Variants in WAPL observed in about 807,000 individuals in gnomAD.
WAPL encodes the protein WAPL cohesin release factor.
In WAPL, 5 loss-of-function variants were observed where a neutral mutation model predicts 121.0. The ratio of observed to expected loss-of-function variants is 0.04; its 90% CI spans 0.02 to 0.09. The LOEUF is 0.09. WAPL is among the 10% of genes least tolerant of loss of function. The probability of loss-of-function intolerance (pLI) is 1.00; values close to 1 mark genes in which losing one functional copy is unlikely to be tolerated. For synonymous variants in WAPL, 480 were observed against 481.5 expected (o/e 1.00, Z 0.04); for missense variants, 999 against 1,410.8 (o/e 0.71, Z 4.68).
At chr10:86,446,566 G>A in intron 15 of WAPL, 117 bp from the exon 16 acceptor site, 1 of 1,154,136 alleles carries the variant, frequency 8.7e-7, no homozygotes, top group Non-Finnish European at 1.2e-6. Context: ...ATGGTTATGT[G>A]ATAAAAAGAG....
intron 9 of WAPL, among the ~76,000 whole-genome samples, chr10:86,464,616 C>T (rs927008535): frequency 6.6e-6 from 1 of 152,180 alleles, no homozygotes; most frequent in African/African-American, 2.4e-5. Flanking sequence ...GAGGACAGAT[C>T]ACCTGAGTTC....
chr10:86,443,435 T>C, intron 16 of WAPL, 72 bp from the exon 17 acceptor site: 1 of 1,333,364 alleles, frequency 7.5e-7, no homozygotes, highest in Non-Finnish European at 1.1e-6. Flanking sequence ...AACCATTCTG[T>C]TAGTTATCTT....
chr10:86,468,808 C>CA (rs1399092416), intron 8 of WAPL, among the ~76,000 whole-genome samples: 1 of 151,430 alleles, frequency 6.6e-6, no homozygotes, highest in Non-Finnish European at 1.5e-5. Context: ...ATTAAAAATA[C>CA]AAAAAAATTA....
chr10:86,452,787 C>T (rs1180506318), intron 14 of WAPL, among the ~76,000 whole-genome samples: 1 of 151,804 alleles, frequency 6.6e-6, no homozygotes, highest in African/African-American at 2.4e-5. Context: ...TACCTGTAAT[C>T]CCACCACTTT....
At chr10:86,515,915 G>C (rs1273571511) in intron 2 of WAPL, among the ~76,000 whole-genome samples, 1 of 127,258 alleles carries the variant, frequency 7.9e-6, no homozygotes, top group Non-Finnish European at 1.5e-5. Flanking sequence ...GCCCAGGCTG[G>C]AGTGCAGTGG....
At chr10:86,499,090 GA>G (rs1164427807) in intron 3 of WAPL, among the ~76,000 whole-genome samples, 2 of 152,266 alleles carry the variant, frequency 1.3e-5, no homozygotes, top group Admixed American at 1.3e-4. Context: ...TTGTCAAGTG[GA>G]AACATCACGA....
chr10:86,453,267 C>A lies in WAPL; in HGVS notation c.2902G>T (p.Val968Phe). Residue 968 changes from valine to phenylalanine, a missense_variant, in exon 14 of 19, where the codon GTT becomes TTT. Around this residue, in one of 7 missense-constraint regions of WAPL, gnomAD observed 85 missense variants for 133.5 expected, o/e 0.64. Transcript: ENST00000298767. The part of the protein sequence containing the change: ...IGTALNCVLQ[V>F]PKYLPQEQRF... The stretch of plus-strand genomic sequence containing the variant: ...TGCTCCTGAGGTAGGTACTTTGGAA[C>A]CTGAAGCACACAGTTCAGCGCTGTG... 6.2e-7 allele frequency: 1 copy of A among 1,614,094 alleles called. No individual in the cohort carries two copies. The highest frequency in any genetic ancestry group is 1.1e-5 in the South Asian group (1 of 91,088).
At chr10:86,453,949 T>C (rs915025582) in intron 12 of WAPL, 118 bp from the exon 13 acceptor site, 6 of 939,214 alleles carry the variant, frequency 6.4e-6, no homozygotes, top group Admixed American at 7.5e-5. Context: ...TGGAAAAATC[T>C]GATACCTTAA....
chr10:86,496,680 C>T (rs576530682), intron 4 of WAPL, among the ~76,000 whole-genome samples: 1 of 151,874 alleles, frequency 6.6e-6, no homozygotes, highest in Non-Finnish European at 1.5e-5. Flanking sequence ...TTTATTCAGC[C>T]ATAAAAAGGA....
chr10:86,478,046 ACT>A (rs1310121881), intron 4 of WAPL, among the ~76,000 whole-genome samples: 1 of 150,572 alleles, frequency 6.6e-6, no homozygotes, highest in South Asian at 2.1e-4. Context: ...CAAAAGCGAA[ACT>A]CTGTCTCGGA....
chr10:86,452,777 T>C (rs561143538), intron 14 of WAPL, among the ~76,000 whole-genome samples: 1 of 152,050 alleles, frequency 6.6e-6, no homozygotes, highest in East Asian at 1.9e-4. Flanking sequence ...CAATAGCTCA[T>C]ACCTGTAATC....
At position 86,435,912 on chromosome 10, in the gene WAPL, T is replaced by C. The variant is rs1299825543; in HGVS notation, c.*1631A>G. ...ATTTTACGGGTATCATTTACCAATA[T>C]GTTTTTAAAAGTATTTTGCTAAGCT... On this transcript the variant is annotated 3_prime_UTR_variant, in exon 19 of 19. Coordinates refer to ENST00000298767, the MANE Select transcript of WAPL (RefSeq NM_015045.5). The C allele has an allele frequency of 6.6e-6, 1 of 152,240 alleles. No homozygotes were observed. Among genetic ancestry groups the C allele is most frequent in the Non-Finnish European group, 1.5e-5 (1 of 68,038 alleles). The allele number at this position is 152,240 out of a possible 1,614,324, so 9.4% of individuals were successfully genotyped here.
At chr10:86,498,041 T>C (rs1564583748) in intron 3 of WAPL, among the ~76,000 whole-genome samples, 2 of 152,340 alleles carry the variant, frequency 1.3e-5, no homozygotes, top group East Asian at 3.9e-4. Flanking sequence ...CAACTTTGGG[T>C]AGATCAACCA....
chr10:86,499,587 CT>C, intron 3 of WAPL, 130 bp downstream of exon 3: 4 of 857,158 alleles, frequency 4.7e-6, no homozygotes, highest in East Asian at 2.8e-5. Context: ...TGAATGGGAT[CT>C]TTATCTTATT....
At chr10:86,453,383 G>T in intron 13 of WAPL, 48 bp from the exon 14 acceptor site, 1 of 1,562,068 alleles carries the variant, frequency 6.4e-7, no homozygotes, top group South Asian at 1.1e-5. Flanking sequence ...TTCTTCCTTA[G>T]AACACTAATA....
chr10:86,496,683 A>T (rs1338261671), intron 4 of WAPL, among the ~76,000 whole-genome samples: 3 of 152,226 alleles, frequency 2.0e-5, no homozygotes, highest in Admixed American at 1.3e-4. Flanking sequence ...ATTCAGCCAT[A>T]AAAAGGAATG....
chr10:86,471,070 G>T lies in WAPL; in HGVS notation c.2064C>A (p.Pro688=), dbSNP rs1327117708. The change falls in exon 8 of 19, where the codon CCC becomes CCA. Residue 688 remains proline, a synonymous_variant. Coordinates refer to ENST00000298767, the MANE Select transcript of WAPL (RefSeq NM_015045.5). The part of the protein sequence containing the change: ...VISLATKCAM[P]SFRMHLRAHG... ...GTGCTCTCAGGTGCATTCGAAAACT[G>T]GGCATGGCACATTTAGTAGCCAAGC... 6.2e-7 allele frequency: 1 copy of T among 1,613,846 alleles called. No homozygotes were observed. The highest frequency in any genetic ancestry group is 8.5e-7 in the Non-Finnish European group (1 of 1,179,912).
At chr10:86,444,889 C>T (rs868836632) in intron 16 of WAPL, among the ~76,000 whole-genome samples, 5 of 37,998 alleles carry the variant, frequency 1.3e-4, no homozygotes, top group South Asian at 1.4e-3. Flanking sequence ...AATGTTATTA[C>T]GCCAAAAAAA....
chr10:86,497,959 T>C (rs1017643839), intron 3 of WAPL, among the ~76,000 whole-genome samples: 13 of 152,216 alleles, frequency 8.5e-5, no homozygotes, highest in Admixed American at 6.5e-5. Flanking sequence ...ATAGGAAACA[T>C]AGAAAGACTC....
Sources: gnomAD v4.1 joint callset for allele counts (sites outside exome capture counted in the v4.1 genomes callset) on GRCh38, gnomAD v4.1.1 for gene constraint, gnomAD v4.1.1 regional missense constraint, MANE v1.5 for transcripts, NCBI Gene and HGNC (gene_info 2026-07-23, HGNC 2026-07-21) for gene names.